LARP1B: variants seen among roughly 807,000 people sequenced by gnomAD.
The protein encoded by LARP1B is la-related protein 1B.
In LARP1B, 76 loss-of-function variants were observed where a neutral mutation model predicts 114.2. That is an observed-to-expected ratio of 0.67 (90% CI 0.55 to 0.81). The LOEUF (loss-of-function observed/expected upper bound fraction) is 0.81. Among genes scored for constraint, LARP1B ranks in the 30% least tolerant of loss-of-function variants. The probability of loss-of-function intolerance (pLI) is 0.00; values close to 1 mark genes in which losing one functional copy is unlikely to be tolerated. For missense variants in LARP1B, 1,014 were observed against 1,075.8 expected, an observed-to-expected ratio of 0.94 and a Z score of 0.80; for synonymous variants, 345 against 348.0, an observed-to-expected ratio of 0.99 and a Z score of 0.10.
At chr4:128,155,744 C>A in intron 11 of LARP1B, 1 of 1,607,974 alleles carries the variant, frequency 6.2e-7, no homozygotes, top group Non-Finnish European at 8.5e-7. Flanking sequence ...AAGCTGGCTG[C>A]GGCCAAGTGT....
At chr4:128,145,799 C>T (rs1269037577) in intron 11 of LARP1B, among the ~76,000 whole-genome samples, 1 of 152,098 alleles carries the variant, frequency 6.6e-6, no homozygotes, top group African/African-American at 2.4e-5. Context: ...TTTGTTCAAT[C>T]CCTAAAAATA....
chr4:128,082,468 G>A (rs1016673534), intron 5 of LARP1B, among the ~76,000 whole-genome samples, 163 bp downstream of exon 5: 2 of 152,132 alleles, frequency 1.3e-5, no homozygotes, highest in Admixed American at 6.6e-5. Flanking sequence ...CAATATAACC[G>A]TAATGCAATT....
chr4:128,112,699 C>T (rs1036623433), intron 9 of LARP1B, among the ~76,000 whole-genome samples: 1 of 151,918 alleles, frequency 6.6e-6, no homozygotes, highest in South Asian at 2.1e-4. Flanking sequence ...GTCTCCAACT[C>T]CTGACCTTAG....
chr4:128,214,533 A>G (rs1056283785), downstream of LARP1B, among the ~76,000 whole-genome samples: 5 of 152,094 alleles, frequency 3.3e-5, no homozygotes, highest in African/African-American at 1.2e-4. Context: ...GCAGGGGCAC[A>G]CTGACACCTC....
At chr4:128,196,803 G>A (rs1754308862) in intron 15 of LARP1B, among the ~76,000 whole-genome samples, 1 of 151,902 alleles carries the variant, frequency 6.6e-6, no homozygotes, top group African/African-American at 2.4e-5. Context: ...GACTGGATAA[G>A]CAAGTATCCA....
At position 128,131,459 on chromosome 4, in the gene LARP1B, T is replaced by C. The variant is rs527560419; in HGVS notation, c.1524+9271T>C. Reference sequence around the variant, plus strand: ...AATATTTGTAATATGCAAAGAGCTCTTACAAATCAATAAGACAAATAACCT... The same window carrying C: ...AATATTTGTAATATGCAAAGAGCTCCTACAAATCAATAAGACAAATAACCT... On this transcript the variant is annotated intron_variant, in intron 11 of 19. Transcript: ENST00000326639. Among the ~76,000 whole-genome samples, 220 of 152,300 alleles carry C rather than the reference T, an allele frequency of 1.4e-3. 2 individuals carry two copies. The highest frequency in any genetic ancestry group is 5.0e-3 in the African/African-American group (208 of 41,568).
chr4:128,084,881 A>C (rs1772792525), intron 5 of LARP1B, among the ~76,000 whole-genome samples: 1 of 151,968 alleles, frequency 6.6e-6, no homozygotes, highest in South Asian at 2.1e-4. Flanking sequence ...TTTTTGTTTG[A>C]GATGGAGTCT....
At chr4:128,098,769 T>TATATATATATATATATATATGTA (rs1561201033) in intron 8 of LARP1B, among the ~76,000 whole-genome samples, 3 of 14,430 alleles carry the variant, frequency 2.1e-4, no homozygotes, top group African/African-American at 8.1e-4. Context: ...ATATATATAT[T>TATATATATATATATATATATGTA]TTTTTTTTTT....
chr4:128,062,004 C>T (rs1170558157), intron 1 of LARP1B: 6 of 984,860 alleles, frequency 6.1e-6, no homozygotes, highest in African/African-American at 1.7e-5. Flanking sequence ...GGCGGGGAGC[C>T]GCCACCGCCA....
intron 15 of LARP1B, among the ~76,000 whole-genome samples, chr4:128,194,115 C>A (rs1753203096): frequency 6.6e-6 from 1 of 151,982 alleles, no homozygotes; most frequent in Admixed American, 6.6e-5. Flanking sequence ...TCATGTCGCC[C>A]AGGCTGGAGT....
At chr4:128,178,278 G>T (rs772470358) in intron 13 of LARP1B, among the ~76,000 whole-genome samples, 153 bp from the exon 14 acceptor site, 2 of 151,890 alleles carry the variant, frequency 1.3e-5, no homozygotes, top group Non-Finnish European at 2.9e-5. Flanking sequence ...CTAGATAATG[G>T]TCAAAAAAGT....
In LARP1B at chr4:128,210,986, T is replaced by C. The variant is rs1758882280; in HGVS notation, c.*933T>C. On this transcript the variant is annotated 3_prime_UTR_variant, in exon 20 of 20. Coordinates refer to ENST00000326639, the MANE Select transcript of LARP1B (RefSeq NM_018078.4). Reference sequence around the variant, plus strand: ...TTTAAAATGAATACTTAGTTTTACCTTTTTGTTTATTTTTTGTTTAATTTT... The same window carrying C: ...TTTAAAATGAATACTTAGTTTTACCCTTTTGTTTATTTTTTGTTTAATTTT... 1 of 923,504 alleles carries C rather than the reference T, an allele frequency of 1.1e-6. No individual in the cohort carries two copies. The highest frequency in any genetic ancestry group is 5.0e-5 in the South Asian group (1 of 19,948). The allele number at this position is 923,504 out of a possible 1,614,324, so 57.2% of individuals were successfully genotyped here.
chr4:128,069,062 C>G, intron 1 of LARP1B: 1 of 1,012,116 alleles, frequency 9.9e-7, no homozygotes, highest in African/African-American at 1.6e-5. Flanking sequence ...TCCAAGCTCC[C>G]TGGTGAGAAC....
intron 10 of LARP1B, among the ~76,000 whole-genome samples, chr4:128,117,098 A>T (rs1350604448): frequency 2.0e-5 from 3 of 151,652 alleles, no homozygotes; most frequent in African/African-American, 7.3e-5. Flanking sequence ...TTTTTAATGG[A>T]GATGGAGTTT....
rs1755621670 is a variant in LARP1B, at chr4:128,200,533, T to C, written c.2177T>C (p.Leu726Ser). ...RRRCLSERKR[L>S]GIGQSQEMNT... ...TAACTTTTTTCAGAGAGAAAACGCT[T>C]GGGAATTGGTCAGTCCCAAGAAATG... Residue 726 changes from leucine (L) to serine (S), a missense_variant, in exon 17 of 20, where the codon TTG becomes TCG. Coordinates refer to ENST00000326639, the MANE Select transcript of LARP1B (RefSeq NM_018078.4). The C allele has an allele frequency of 3.4e-6, 5 of 1,486,468 alleles. No individual in the cohort carries two copies. The highest frequency in any genetic ancestry group is 2.9e-5 in the African/African-American group (2 of 69,576). 92.1% of individuals were successfully genotyped at this position (1,486,468 alleles called of 1,614,324 possible).
intron 11 of LARP1B, among the ~76,000 whole-genome samples, chr4:128,139,381 T>C (rs1726892154): frequency 6.6e-6 from 1 of 152,158 alleles, no homozygotes; most frequent in South Asian, 2.1e-4. Flanking sequence ...TAGTCCCAGC[T>C]ATTCTAGAGG....
At chr4:128,073,140 G>A (rs1267396142) in intron 1 of LARP1B, among the ~76,000 whole-genome samples, 2 of 152,006 alleles carry the variant, frequency 1.3e-5, no homozygotes, top group African/African-American at 2.4e-5. Flanking sequence ...TTGGCTGGGC[G>A]CCGTGGCTCA....
intron 5 of LARP1B, among the ~76,000 whole-genome samples, chr4:128,084,618 G>A (rs968337045): frequency 2.0e-5 from 3 of 151,980 alleles, no homozygotes; most frequent in Non-Finnish European, 4.4e-5. Context: ...GACCGAGAGG[G>A]AGAGGGGAGA....
chr4:128,130,004 G>A (rs1293987836), intron 11 of LARP1B, among the ~76,000 whole-genome samples: 1 of 152,126 alleles, frequency 6.6e-6, no homozygotes, highest in Non-Finnish European at 1.5e-5. Flanking sequence ...GAAATAATAA[G>A]CTAGAATTCT....
Sources: gnomAD v4.1 joint callset for allele counts (sites outside exome capture counted in the v4.1 genomes callset) on GRCh38, gnomAD v4.1.1 for gene constraint, MANE v1.5 for transcripts, NCBI Gene and HGNC (gene_info 2026-07-23, HGNC 2026-07-21) for gene names.